Variants in KCNG3 observed in about 807,000 individuals in gnomAD.
KCNG3 encodes potassium voltage-gated channel modifier subfamily G member 3.
Under a neutral mutation model 29.0 loss-of-function variants are expected in KCNG3, and 15 were observed. That is an observed-to-expected ratio of 0.52 (90% CI 0.35 to 0.80). KCNG3 has a LOEUF of 0.80. Among genes scored for constraint, KCNG3 ranks in the 30% least tolerant of loss-of-function variants. The pLI, the probability that KCNG3 is intolerant of heterozygous loss-of-function variation, is 0.01. For missense variants in KCNG3, 512 were observed against 605.7 expected, an observed-to-expected ratio of 0.85 and a Z score of 1.62; for synonymous variants, 322 against 248.9, an observed-to-expected ratio of 1.29 and a Z score of -2.76.
Position 42,444,006 on chromosome 2 carries a change from C to G in KCNG3, c.1239G>C (p.Val413=), listed in dbSNP as rs1446298554. The change falls in exon 2 of 2, where the codon GTG becomes GTC. Residue 413 remains valine, a synonymous_variant. Transcript: ENST00000306078. The surrounding 1 kb of genome is among the most constrained non-coding windows in gnomAD (Gnocchi z 5.8). ...TAAACTTGAGCTCATGATAACACTGCACAAAGCTATGGTAGATAAAAGTGA... is the reference window on the plus strand; with the variant it reads ...TAAACTTGAGCTCATGATAACACTGGACAAAGCTATGGTAGATAAAAGTGA... ...LPITFIYHSF[V]QCYHELKFRS... The G allele has an allele frequency of 1.9e-6, 3 of 1,614,054 alleles. No individual in the cohort carries two copies. Among genetic ancestry groups the G allele is most frequent in the Non-Finnish European group, 2.5e-6 (3 of 1,180,030 alleles).
At chr2:42,462,653 G>C (rs950452392) in intron 1 of KCNG3, among the ~76,000 whole-genome samples, 3 of 152,130 alleles carry the variant, frequency 2.0e-5, no homozygotes, top group South Asian at 2.1e-4. Context: ...CTGCACTCCA[G>C]CCTGGGCGAC....
intron 1 of KCNG3, among the ~76,000 whole-genome samples, chr2:42,460,860 T>G (rs919240350): frequency 2.0e-5 from 3 of 152,074 alleles, no homozygotes; most frequent in African/African-American, 7.2e-5. Flanking sequence ...CCTTTGATTT[T>G]CTTAACTGAT....
At chr2:42,482,200 T>C (rs755146187) in intron 1 of KCNG3, among the ~76,000 whole-genome samples, 4 of 152,250 alleles carry the variant, frequency 2.6e-5, no homozygotes, top group Non-Finnish European at 4.4e-5. Context: ...CCTAAATACA[T>C]AGTCGGTGCT....
intron 1 of KCNG3, among the ~76,000 whole-genome samples, chr2:42,490,406 T>A (rs1325803232): frequency 2.6e-5 from 4 of 151,912 alleles, no homozygotes; most frequent in African/African-American, 9.7e-5. Flanking sequence ...AGAAACCCCA[T>A]CTCTACTAAA....
intron 1 of KCNG3, among the ~76,000 whole-genome samples, chr2:42,490,373 C>T (rs978737704): frequency 5.9e-5 from 9 of 151,948 alleles, no homozygotes; most frequent in East Asian, 1.9e-4. Context: ...GTCAGGAGTT[C>T]GAGACCAGTC....
chr2:42,471,670 A>T (rs1293848348), intron 1 of KCNG3, among the ~76,000 whole-genome samples: 1 of 152,194 alleles, frequency 6.6e-6, no homozygotes, highest in African/African-American at 2.4e-5. Context: ...AAAAGGAATG[A>T]GCAATACAAA....
chr2:42,424,502 A>G, the KCNG3 span, among the ~76,000 whole-genome samples: 3 of 152,100 alleles, frequency 2.0e-5, no homozygotes, highest in Non-Finnish European at 4.4e-5. Context: ...AACCATGCAC[A>G]CTGGCTCTTA....
rs561343865 is a variant in KCNG3, at chr2:42,454,148, G to C, written c.666-9569C>G. On this transcript the variant is annotated intron_variant, in intron 1 of 1. Coordinates refer to ENST00000306078, the MANE Select transcript of KCNG3 (RefSeq NM_133329.6). ...ATCACAAGTGTCTTGAGCACTGTTG[G>C]TAGGATTGTAAAAGGGTACATCCAC... Among the ~76,000 whole-genome samples, 59 of 151,082 alleles carry C rather than the reference G, an allele frequency of 3.9e-4. 1 individual carries two copies. In the South Asian group the frequency reaches 6.1e-3, roughly 16 times the overall value.
chr2:42,472,499 C>A (rs1388073290), intron 1 of KCNG3, among the ~76,000 whole-genome samples: 1 of 148,148 alleles, frequency 6.8e-6, no homozygotes, highest in African/African-American at 2.5e-5. Context: ...TAAACTTCGA[C>A]TGCATTTTTT....
At chr2:42,415,312 T>C in the KCNG3 span, among the ~76,000 whole-genome samples, 4 of 152,194 alleles carry the variant, frequency 2.6e-5, no homozygotes, top group African/African-American at 9.7e-5. Flanking sequence ...AGCATCTTAT[T>C]TCTGGTTATA....
At chr2:42,480,245 C>G (rs1316391642) in intron 1 of KCNG3, among the ~76,000 whole-genome samples, 4 of 151,456 alleles carry the variant, frequency 2.6e-5, no homozygotes, top group African/African-American at 9.7e-5. Context: ...AGACTAGAAT[C>G]AGGCATCACT....
the KCNG3 span, among the ~76,000 whole-genome samples, chr2:42,436,085 C>T: frequency 6.6e-6 from 1 of 152,160 alleles, no homozygotes; most frequent in Non-Finnish European, 1.5e-5. Flanking sequence ...CATGCTACAA[C>T]ATGGATGAAC....
intron 1 of KCNG3, among the ~76,000 whole-genome samples, chr2:42,477,418 C>CACAG (rs1553330661): frequency 2.3e-3 from 111 of 49,328 alleles, no homozygotes; most frequent in African/African-American, 5.2e-3. Context: ...CACACACACA[C>CACAG]ACACATATAT....
chr2:42,398,432 G>C, the KCNG3 span, among the ~76,000 whole-genome samples: 36 of 152,092 alleles, frequency 2.4e-4, no homozygotes, highest in African/African-American at 8.0e-4. Context: ...GTCCCAGGAA[G>C]AGCCCTGGGA....
At chr2:42,402,244 TTTCTAGGTTC>T in the KCNG3 span, among the ~76,000 whole-genome samples, 1 of 152,254 alleles carries the variant, frequency 6.6e-6, no homozygotes, top group Non-Finnish European at 1.5e-5. Context: ...CACCACTGGG[TTTCTAGGTTC>T]TCCAGTTTGC....
intron 1 of KCNG3, among the ~76,000 whole-genome samples, chr2:42,461,182 CAA>C (rs34199989): frequency 2.6e-3 from 149 of 56,410 alleles, no homozygotes; most frequent in African/African-American, 7.3e-3. Context: ...CAAAACAAAA[CAA>C]AAAAAAAAAA....
At position 42,455,835 on chromosome 2, in the gene KCNG3, G is replaced by A. The variant is rs139252110; in HGVS notation, c.666-11256C>T. Among the ~76,000 whole-genome samples, 40 of 151,408 alleles carry A rather than the reference G, an allele frequency of 2.6e-4. 4 individuals carry two copies. In the East Asian group the frequency reaches 7.7e-3, roughly 29 times the overall value. On this transcript the variant is annotated intron_variant, in intron 1 of 1. Transcript: ENST00000306078. ...GTATGTACAGCTGAAAGCTGAATCTGAATAGCTGACTTGAAAAAGCTAAAT... is the reference window on the plus strand; with the variant it reads ...GTATGTACAGCTGAAAGCTGAATCTAAATAGCTGACTTGAAAAAGCTAAAT...
At chr2:42,446,772 T>C (rs906844725) in intron 1 of KCNG3, among the ~76,000 whole-genome samples, 7 of 152,150 alleles carry the variant, frequency 4.6e-5, no homozygotes, top group Non-Finnish European at 1.0e-4. Context: ...ATTAACTTTA[T>C]TAACTTTTAT....
the KCNG3 span, among the ~76,000 whole-genome samples, chr2:42,435,077 T>C: frequency 6.6e-6 from 1 of 151,864 alleles, no homozygotes; most frequent in South Asian, 2.1e-4. Flanking sequence ...CCAAGGCGGG[T>C]GGATCACCTG....
Sources: allele counts gnomAD v4.1 joint callset (sites outside exome capture counted in the v4.1 genomes callset), GRCh38; gene constraint gnomAD v4.1.1; non-coding constraint Gnocchi (gnomAD v3.1); transcripts MANE v1.5; gene names NCBI Gene and HGNC (gene_info 2026-07-23, HGNC 2026-07-21).